The following HTR7 variants were observed in gnomAD, a reference collection of about 807,000 sequenced individuals.
HTR7 encodes the protein 5-HT-7.
Under a neutral mutation model 34.0 loss-of-function variants are expected in HTR7, and 16 were observed. That is an observed-to-expected ratio of 0.47 (90% CI 0.32 to 0.71). The LOEUF is 0.71. HTR7 is among the 30% of genes least tolerant of loss of function. HTR7 has a pLI of 0.04. For missense variants in HTR7, 504 were observed against 625.5 expected, an observed-to-expected ratio of 0.81 and a Z score of 2.07; for synonymous variants, 265 against 260.2, an observed-to-expected ratio of 1.02 and a Z score of -0.18.
chr10:90,807,452 C>T (rs1845722109), intron 1 of HTR7, among the ~76,000 whole-genome samples: 1 of 152,250 alleles, frequency 6.6e-6, no homozygotes, highest in Non-Finnish European at 1.5e-5. Flanking sequence ...TGGCCTGTTC[C>T]TGCCTTAACT....
chr10:90,815,953 T>A (rs1373703649), intron 1 of HTR7, among the ~76,000 whole-genome samples: 1 of 152,184 alleles, frequency 6.6e-6, no homozygotes, highest in African/African-American at 2.4e-5. Context: ...ACTGCCTTGC[T>A]AAGGGACATT....
At chr10:90,801,621 A>C (rs1172800492) in intron 1 of HTR7, among the ~76,000 whole-genome samples, 1 of 152,164 alleles carries the variant, frequency 6.6e-6, no homozygotes, top group Non-Finnish European at 1.5e-5. Flanking sequence ...TTTCAGCAAA[A>C]CTTCAGAGGG....
chr10:90,795,443 T>C (rs554559971), intron 1 of HTR7, among the ~76,000 whole-genome samples: 1 of 152,118 alleles, frequency 6.6e-6, no homozygotes, highest in South Asian at 2.1e-4. Context: ...AGTACAAAAA[T>C]TTAGAGGCTC....
intron 1 of HTR7, among the ~76,000 whole-genome samples, chr10:90,848,161 C>T (rs778554773): frequency 2.7e-5 from 4 of 150,764 alleles, no homozygotes; most frequent in Admixed American, 6.6e-5. Context: ...CTCGGCCTCC[C>T]GGGTTCAAGC....
chr10:90,766,843 T>G (rs930219449), intron 1 of HTR7, among the ~76,000 whole-genome samples: 3 of 152,232 alleles, frequency 2.0e-5, no homozygotes, highest in African/African-American at 7.2e-5. Context: ...TAGGTTCACT[T>G]TGGCAGGGAA....
At chr10:90,833,923 G>A (rs1274127210) in intron 1 of HTR7, among the ~76,000 whole-genome samples, 2 of 152,212 alleles carry the variant, frequency 1.3e-5, no homozygotes, top group Admixed American at 1.3e-4. Context: ...ATTATCAAAA[G>A]GCTTTATTTT....
chr10:90,783,950 C>G (rs1220137142), intron 1 of HTR7, among the ~76,000 whole-genome samples: 2 of 152,140 alleles, frequency 1.3e-5, no homozygotes, highest in East Asian at 3.8e-4. Flanking sequence ...CCTTTTTATT[C>G]TATGACTTCA....
chr10:90,797,011 CAA>C (rs775895700), intron 1 of HTR7, among the ~76,000 whole-genome samples: 2 of 95,080 alleles, frequency 2.1e-5, no homozygotes. Context: ...GACTCCGTCT[CAA>C]AAAAAAAAAA....
At chr10:90,792,617 G>A (rs1027376577) in intron 1 of HTR7, among the ~76,000 whole-genome samples, 1 of 151,538 alleles carries the variant, frequency 6.6e-6, no homozygotes, top group African/African-American at 2.4e-5. Flanking sequence ...TTTACCATTC[G>A]GTATGCTCCT....
At chr10:90,819,356 A>T (rs1041732617) in intron 1 of HTR7, among the ~76,000 whole-genome samples, 1 of 152,102 alleles carries the variant, frequency 6.6e-6, no homozygotes, top group Non-Finnish European at 1.5e-5. Context: ...TATAAATATA[A>T]GTCTACACTT....
chr10:90,786,583 G>A (rs1277141618), intron 1 of HTR7, among the ~76,000 whole-genome samples: 1 of 152,148 alleles, frequency 6.6e-6, no homozygotes, highest in African/African-American at 2.4e-5. Context: ...GTTATTACCT[G>A]AATTTTTATT....
chr10:90,742,600 G>T, intron 3 of HTR7, 72 bp from the exon 4 acceptor site: 1 of 1,077,340 alleles, frequency 9.3e-7, no homozygotes, highest in Non-Finnish European at 1.4e-6. Flanking sequence ...TTTTGTGGTA[G>T]GTGGACTTAA....
intron 1 of HTR7, among the ~76,000 whole-genome samples, chr10:90,775,851 C>A (rs984421277): frequency 1.3e-5 from 2 of 152,174 alleles, no homozygotes; most frequent in Non-Finnish European, 2.9e-5. Flanking sequence ...TTGAGACCAG[C>A]ACTGCCCAAG....
At chr10:90,853,537 T>C (rs1201300911) in intron 1 of HTR7, among the ~76,000 whole-genome samples, 1 of 151,332 alleles carries the variant, frequency 6.6e-6, no homozygotes. Context: ...ACTCCAGGGC[T>C]CCAGCAATCC....
At chr10:90,815,160 C>T (rs1043265450) in intron 1 of HTR7, among the ~76,000 whole-genome samples, 4 of 150,830 alleles carry the variant, frequency 2.7e-5, no homozygotes, top group Non-Finnish European at 5.9e-5. Context: ...GGTGCGATCT[C>T]GGCTCACCGC....
At chr10:90,745,863 A>C (rs1278736144) in intron 2 of HTR7, among the ~76,000 whole-genome samples, 1 of 152,210 alleles carries the variant, frequency 6.6e-6, no homozygotes, top group East Asian at 1.9e-4. Flanking sequence ...TGGCTAGCAA[A>C]GCTTAAAATA....
At chr10:90,743,083 C>A (rs1229882426) in intron 3 of HTR7, among the ~76,000 whole-genome samples, 1 of 143,930 alleles carries the variant, frequency 6.9e-6, no homozygotes, top group Admixed American at 6.9e-5. Flanking sequence ...TGACTCTGCA[C>A]CTCCACAGGC....
At chr10:90,779,602 T>C (rs1401622941) in intron 1 of HTR7, among the ~76,000 whole-genome samples, 1 of 152,200 alleles carries the variant, frequency 6.6e-6, no homozygotes, top group East Asian at 1.9e-4. Flanking sequence ...CCAGCTCTCC[T>C]CCATACTATG....
intron 1 of HTR7, among the ~76,000 whole-genome samples, chr10:90,760,818 T>C (rs2119720559): frequency 6.6e-6 from 1 of 152,240 alleles, no homozygotes; most frequent in Non-Finnish European, 1.5e-5. Context: ...GAAGTGTAAG[T>C]TGCAGTGAGC....
Sources: allele counts gnomAD v4.1 joint callset (sites outside exome capture counted in the v4.1 genomes callset), GRCh38; gene constraint gnomAD v4.1.1; transcripts MANE v1.5; gene names NCBI Gene and HGNC (gene_info 2026-07-23, HGNC 2026-07-21).